The following RBBP8 variants were observed in gnomAD, a reference collection of about 807,000 sequenced individuals.
RBBP8 encodes DNA endonuclease RBBP8.
RBBP8 carries 88 observed loss-of-function variants against 108.3 expected under a neutral mutation model. The observed-to-expected ratio is 0.81, with a 90% CI of 0.68 to 0.97. The LOEUF is 0.97. Ranked by LOEUF, RBBP8 falls within the 50% of genes least tolerant of loss-of-function variation. The pLI is 0.00. For missense variants in RBBP8, 1,023 were observed against 1,049.0 expected, an observed-to-expected ratio of 0.98 and a Z score of 0.34; for synonymous variants, 332 against 348.2, an observed-to-expected ratio of 0.95 and a Z score of 0.52.
intron 2 of RBBP8, among the ~76,000 whole-genome samples, chr18:22,941,239 G>T (rs997224241): frequency 2.6e-5 from 4 of 151,846 alleles, no homozygotes; most frequent in African/African-American, 9.7e-5. Flanking sequence ...TGGCATGATC[G>T]CAGCTCACTG....
At chr18:22,979,957 A>G (rs1309315832) in intron 6 of RBBP8, among the ~76,000 whole-genome samples, 2 of 152,344 alleles carry the variant, frequency 1.3e-5, no homozygotes, top group East Asian at 3.9e-4. Flanking sequence ...TACAATAAAT[A>G]AATTGCAGCT....
At chr18:23,009,647 C>T (rs1231838013) in intron 16 of RBBP8, among the ~76,000 whole-genome samples, 1 of 151,628 alleles carries the variant, frequency 6.6e-6, no homozygotes, top group African/African-American at 2.4e-5. Flanking sequence ...GCTCCCTATC[C>T]CTATAGGTAA....
In RBBP8 at chr18:22,984,965, T is replaced by G. The variant is rs199995388; in HGVS notation, c.684T>G (p.Tyr228Ter). 10 of 1,611,842 alleles carry G rather than the reference T, an allele frequency of 6.2e-6. No homozygotes were observed. Among genetic ancestry groups the G allele is most frequent in the Non-Finnish European group, 8.5e-6 (10 of 1,178,360 alleles). Residue 228 changes from tyrosine to a stop codon, truncating the protein, a stop_gained, in exon 8 of 19, where the codon TAT becomes TAG. Transcript: ENST00000327155. LOFTEE classifies it high-confidence loss of function. The stretch of plus-strand genomic sequence containing the variant: ...ATGAAATTCTAGTAGCTGACACTTA[T>G]GACCAAAGTCAATCTCCAATGGCCA... ...NENEILVADT[Y>*]DQSQSPMAKA... is the part of the protein sequence containing the mutation.
intron 4 of RBBP8, among the ~76,000 whole-genome samples, chr18:22,952,626 C>G (rs1282014439): frequency 6.6e-6 from 1 of 152,122 alleles, no homozygotes; most frequent in Non-Finnish European, 1.5e-5. Context: ...ACAGCCATGT[C>G]TAGGCTGTCT....
In RBBP8 at chr18:22,996,464, T is replaced by C. The variant is rs745421413; in HGVS notation, c.2028+2T>C. On this transcript the variant is annotated splice_donor_variant, in intron 13 of 18. Transcript: ENST00000327155. LOFTEE classifies it high-confidence loss of function. The stretch of plus-strand genomic sequence containing the variant: ...GATGTTACTGTAATAGATACAAAGG[T>C]AAGTTAAAAAGTAAAACCAAAACTC... 1.2e-6 allele frequency: 2 copies of C among 1,613,064 alleles called. No individual in the cohort carries two copies. The highest frequency in any genetic ancestry group is 1.7e-5 in the Admixed American group (1 of 59,974).
chr18:22,966,849 C>A (rs1913648423), intron 4 of RBBP8, among the ~76,000 whole-genome samples: 1 of 151,330 alleles, frequency 6.6e-6, no homozygotes, highest in Admixed American at 6.6e-5. Flanking sequence ...GCCTCAGCCT[C>A]CCGAGTAGCT....
chr18:22,990,472 T>C (rs1375445087), intron 9 of RBBP8, among the ~76,000 whole-genome samples: 1 of 152,226 alleles, frequency 6.6e-6, no homozygotes, highest in African/African-American at 2.4e-5. Context: ...AGAATATACT[T>C]GTGTAAAACA....
At chr18:22,999,351 G>GCTCT (rs2045909718) in intron 14 of RBBP8, among the ~76,000 whole-genome samples, 5 of 152,162 alleles carry the variant, frequency 3.3e-5, no homozygotes, top group African/African-American at 1.2e-4. Context: ...AAACAGCAGA[G>GCTCT]GGCTGGGCAG....
chr18:23,014,537 G>A (rs917743824), intron 16 of RBBP8, among the ~76,000 whole-genome samples: 2 of 152,192 alleles, frequency 1.3e-5, no homozygotes, highest in African/African-American at 4.8e-5. Flanking sequence ...AGGAGGCTGA[G>A]GCAGGGGGAT....
chr18:22,950,930 T>C (rs1911984754), intron 4 of RBBP8, among the ~76,000 whole-genome samples: 1 of 152,236 alleles, frequency 6.6e-6, no homozygotes, highest in South Asian at 2.1e-4. Flanking sequence ...CTTGATATTT[T>C]TGTATATGTT....
intron 2 of RBBP8, among the ~76,000 whole-genome samples, chr18:22,940,277 T>A (rs1910965770): frequency 1.3e-5 from 2 of 151,822 alleles, no homozygotes; most frequent in Admixed American, 1.3e-4. Context: ...TGTTTTGTAG[T>A]CCATGAACAC....
chr18:22,933,162 G>A (rs1910146339), upstream of RBBP8, among the ~76,000 whole-genome samples: 1 of 152,224 alleles, frequency 6.6e-6, no homozygotes, highest in Non-Finnish European at 1.5e-5. Context: ...TGTGGCGGTC[G>A]CCAGACTCTT....
At chr18:23,018,284 C>T (rs1188641628) in intron 17 of RBBP8, among the ~76,000 whole-genome samples, 3 of 151,838 alleles carry the variant, frequency 2.0e-5, no homozygotes, top group African/African-American at 4.8e-5. Flanking sequence ...CTCGAACTCC[C>T]GACCTCAGGT....
intron 7 of RBBP8, among the ~76,000 whole-genome samples, chr18:22,982,786 A>C (rs1442809833): frequency 6.6e-6 from 1 of 152,176 alleles, no homozygotes; most frequent in Non-Finnish European, 1.5e-5. Context: ...CTATGTTTTA[A>C]TTCTCGTAAC....
intron 6 of RBBP8, among the ~76,000 whole-genome samples, chr18:22,979,308 TTTTATG>T (rs1467464411): frequency 2.0e-5 from 3 of 152,118 alleles, no homozygotes; most frequent in South Asian, 4.1e-4. Context: ...GTTTATTTTA[TTTTATG>T]TTTATGTTTA....
chr18:22,966,665 T>G (rs12955905), intron 4 of RBBP8, among the ~76,000 whole-genome samples: 5,663 of 151,046 alleles, frequency 0.037, 169 homozygotes, highest in Non-Finnish European at 0.056. Flanking sequence ...ATTTTAAAAT[T>G]CGTGGCATAT....
chr18:23,017,047 T>TA, intron 17 of RBBP8, 123 bp downstream of exon 17: 1 of 791,796 alleles, frequency 1.3e-6, no homozygotes, highest in Non-Finnish European at 2.1e-6. Flanking sequence ...GAGCCAGGCG[T>TA]AACAGCAGGA....
chr18:22,982,844 G>A (rs1405364590), intron 7 of RBBP8, among the ~76,000 whole-genome samples: 1 of 152,170 alleles, frequency 6.6e-6, no homozygotes, highest in Non-Finnish European at 1.5e-5. Flanking sequence ...GATGAGGAAA[G>A]ATATGTTTAG....
At chr18:22,947,646 G>A (rs1252694323) in intron 3 of RBBP8, among the ~76,000 whole-genome samples, 1 of 152,038 alleles carries the variant, frequency 6.6e-6, no homozygotes, top group African/African-American at 2.4e-5. Context: ...TTAGTGATTG[G>A]TGTAGTAATA....
Sources: gnomAD v4.1 joint callset for allele counts (sites outside exome capture counted in the v4.1 genomes callset) on GRCh38, gnomAD v4.1.1 for gene constraint, MANE v1.5 for transcripts, NCBI Gene and HGNC (gene_info 2026-07-23, HGNC 2026-07-21) for gene names.